Variants in ARHGAP24 observed in about 807,000 individuals in gnomAD.
ARHGAP24 encodes rho GTPase-activating protein 24.
In ARHGAP24, 50 loss-of-function variants were observed where a neutral mutation model predicts 76.4. That is an observed-to-expected ratio of 0.65 (90% CI 0.52 to 0.83). The LOEUF is 0.83. Ranked by LOEUF, ARHGAP24 falls within the 40% of genes least tolerant of loss-of-function variation. The pLI, the probability that ARHGAP24 is intolerant of heterozygous loss-of-function variation, is 0.00. For missense variants in ARHGAP24, 930 were observed against 914.2 expected (o/e 1.02, Z -0.22); for synonymous variants, 345 against 323.3 (o/e 1.07, Z -0.72).
chr4:85,698,474 T>C (rs1270152524), intron 2 of ARHGAP24, among the ~76,000 whole-genome samples: 1 of 152,226 alleles, frequency 6.6e-6, no homozygotes, highest in Non-Finnish European at 1.5e-5. Context: ...ATAAATTGTA[T>C]TTGAACATGG....
At chr4:85,828,119 G>C (rs1729809665) in intron 3 of ARHGAP24, 3 of 566,824 alleles carry the variant, frequency 5.3e-6, no homozygotes, top group Admixed American at 4.8e-5. Context: ...CTTGTTTTCT[G>C]TCATGATCCA....
chr4:85,622,559 G>A (rs1720759798), intron 2 of ARHGAP24, among the ~76,000 whole-genome samples: 3 of 151,992 alleles, frequency 2.0e-5, no homozygotes, highest in African/African-American at 4.8e-5. Flanking sequence ...ATAAACATAC[G>A]TGTGCATGTG....
At chr4:85,684,036 A>G (rs1048364073) in intron 2 of ARHGAP24, among the ~76,000 whole-genome samples, 4 of 152,188 alleles carry the variant, frequency 2.6e-5, no homozygotes, top group African/African-American at 9.6e-5. Flanking sequence ...GGCTATTGTG[A>G]ATAGCACTGC....
intron 1 of ARHGAP24, among the ~76,000 whole-genome samples, chr4:85,566,821 A>G (rs186142912): frequency 1.3e-5 from 2 of 152,354 alleles, no homozygotes; most frequent in East Asian, 3.9e-4. Flanking sequence ...GAGAATAGAA[A>G]GAGGTTACCT....
intron 8 of ARHGAP24, among the ~76,000 whole-genome samples, chr4:85,978,886 C>CTGTGTAGT (rs1306821214): frequency 6.6e-6 from 1 of 152,108 alleles, no homozygotes; most frequent in Non-Finnish European, 1.5e-5. Context: ...CTTTGTGTTT[C>CTGTGTAGT]TGTGTAGTTT....
chr4:85,607,074 A>G (rs745420175), intron 2 of ARHGAP24, among the ~76,000 whole-genome samples: 1 of 152,200 alleles, frequency 6.6e-6, no homozygotes. Context: ...GTCTTTGGTG[A>G]GAGAGGGCCT....
At chr4:85,619,496 T>TA (rs1205256952) in intron 2 of ARHGAP24, among the ~76,000 whole-genome samples, 2,041 of 145,614 alleles carry the variant, frequency 0.014, 42 homozygotes, top group African/African-American at 0.043. Flanking sequence ...TCTATTTCTG[T>TA]AAAAAAAAAA....
At chr4:85,577,488 G>T (rs755851019) in intron 2 of ARHGAP24, among the ~76,000 whole-genome samples, 2 of 152,048 alleles carry the variant, frequency 1.3e-5, no homozygotes, top group Non-Finnish European at 2.9e-5. Context: ...TTCACATTTT[G>T]TTAGTTAGAT....
chr4:85,563,665 T>A (rs1178754999), intron 1 of ARHGAP24, among the ~76,000 whole-genome samples: 1 of 152,184 alleles, frequency 6.6e-6, no homozygotes, highest in Non-Finnish European at 1.5e-5. Flanking sequence ...GAGGATTCTT[T>A]GTGGGGCACT....
intron 1 of ARHGAP24, among the ~76,000 whole-genome samples, chr4:85,476,269 G>A (rs905901902): frequency 5.3e-5 from 8 of 151,908 alleles, no homozygotes; most frequent in Non-Finnish European, 1.0e-4. Context: ...CCAAATAGAA[G>A]GGAGACAATG....
At chr4:85,553,471 T>C (rs185131050) in intron 1 of ARHGAP24, among the ~76,000 whole-genome samples, 12 of 152,294 alleles carry the variant, frequency 7.9e-5, no homozygotes, top group Admixed American at 7.2e-4. Context: ...TTGGTGCATT[T>C]ACAAACCTTT....
At chr4:85,568,817 C>T (rs1025554693) in intron 1 of ARHGAP24, among the ~76,000 whole-genome samples, 1 of 152,136 alleles carries the variant, frequency 6.6e-6, no homozygotes, top group Non-Finnish European at 1.5e-5. Context: ...AGTCAAGTGA[C>T]CTCCTTGAAG....
chr4:85,642,379 C>G (rs922783949), intron 2 of ARHGAP24, among the ~76,000 whole-genome samples: 3 of 152,070 alleles, frequency 2.0e-5, no homozygotes, highest in African/African-American at 7.2e-5. Context: ...TCCCTTACTC[C>G]TAGACTTCTA....
At chr4:85,513,644 A>C (rs1391590934) in intron 1 of ARHGAP24, among the ~76,000 whole-genome samples, 1 of 152,180 alleles carries the variant, frequency 6.6e-6, no homozygotes, top group Non-Finnish European at 1.5e-5. Context: ...AACAAACTTG[A>C]AATAGTTTTA....
intron 3 of ARHGAP24, among the ~76,000 whole-genome samples, chr4:85,775,341 A>G (rs924696611): frequency 1.1e-4 from 16 of 152,152 alleles, no homozygotes; most frequent in Admixed American, 9.8e-4. Context: ...GTCCATTTTC[A>G]TGCTGCTGAT....
chr4:85,657,023 A>G (rs181147964), intron 2 of ARHGAP24, among the ~76,000 whole-genome samples: 69 of 152,344 alleles, frequency 4.5e-4, no homozygotes, highest in African/African-American at 1.5e-3. Flanking sequence ...TAAATAAATT[A>G]TAAAAATGTA....
intron 3 of ARHGAP24, among the ~76,000 whole-genome samples, chr4:85,774,010 C>T (rs1260483168): frequency 6.6e-6 from 1 of 152,112 alleles, no homozygotes; most frequent in Non-Finnish European, 1.5e-5. Flanking sequence ...TGAGTGACAC[C>T]AGTGCTCAGG....
At chr4:85,971,136 A>T (rs528052342) in intron 5 of ARHGAP24, among the ~76,000 whole-genome samples, 1 of 152,198 alleles carries the variant, frequency 6.6e-6, no homozygotes, top group East Asian at 1.9e-4. Context: ...TAGACAAGCA[A>T]TTATGCTTAG....
chr4:85,509,259 T>G (rs1224802837), intron 1 of ARHGAP24, among the ~76,000 whole-genome samples: 2 of 149,056 alleles, frequency 1.3e-5, no homozygotes, highest in Non-Finnish European at 3.0e-5. Flanking sequence ...GATGAGTTAA[T>G]GGGTGCAGCA....
Sources: allele counts gnomAD v4.1 joint callset (sites outside exome capture counted in the v4.1 genomes callset), GRCh38; gene constraint gnomAD v4.1.1; transcripts MANE v1.5; gene names NCBI Gene and HGNC (gene_info 2026-07-23, HGNC 2026-07-21).